Variants in MARCHF4 observed in about 807,000 individuals in gnomAD.
MARCHF4 encodes membrane associated ring-CH-type finger 4.
In MARCHF4, 14 loss-of-function variants were observed where a neutral mutation model predicts 43.9. The observed-to-expected ratio is 0.32, with a 90% CI of 0.21 to 0.50. MARCHF4 has a LOEUF of 0.50. Ranked by LOEUF, MARCHF4 falls within the 20% of genes least tolerant of loss-of-function variation. The pLI, the probability that MARCHF4 is intolerant of heterozygous loss-of-function variation, is 0.98. For missense variants in MARCHF4, 468 were observed against 536.7 expected (o/e 0.87, Z 1.27); for synonymous variants, 226 against 213.3 (o/e 1.06, Z -0.52).
chr2:216,284,626 C>T (rs1177728376), intron 1 of MARCHF4, among the ~76,000 whole-genome samples: 2 of 152,198 alleles, frequency 1.3e-5, no homozygotes, highest in Middle Eastern at 3.4e-3. Context: ...CCACCATGCC[C>T]GACTAATTTT....
At chr2:216,328,058 T>C (rs1321363471) in intron 1 of MARCHF4, among the ~76,000 whole-genome samples, 5 of 152,222 alleles carry the variant, frequency 3.3e-5, no homozygotes, top group Non-Finnish European at 5.9e-5. Context: ...TAGATCAGCT[T>C]ATAATCCCTG....
chr2:216,320,252 C>A (rs1691858153), intron 1 of MARCHF4, among the ~76,000 whole-genome samples: 1 of 152,292 alleles, frequency 6.6e-6, no homozygotes, highest in Non-Finnish European at 1.5e-5. Context: ...TGTATTAACT[C>A]TTTTTGACCC....
chr2:216,336,766 A>AAAAAAAAAAAAAAAAAAAAC, intron 1 of MARCHF4, among the ~76,000 whole-genome samples: 2 of 146,480 alleles, frequency 1.4e-5, no homozygotes, highest in East Asian at 2.0e-4. Flanking sequence ...AAAAAAAAAA[A>AAAAAAAAAAAAAAAAAAAAC]AGCTTTCTGG....
intron 2 of MARCHF4, among the ~76,000 whole-genome samples, chr2:216,283,222 G>A (rs3856561): frequency 0.028 from 4,226 of 150,552 alleles, 185 homozygotes; most frequent in African/African-American, 0.098. Flanking sequence ...TGCCTCCTTC[G>A]TTTCTTCCTT....
At chr2:216,286,421 G>T (rs1041168695) in intron 1 of MARCHF4, among the ~76,000 whole-genome samples, 3 of 151,578 alleles carry the variant, frequency 2.0e-5, no homozygotes, top group African/African-American at 7.3e-5. Flanking sequence ...CTCCTAAAAC[G>T]CCAGCTACTC....
At chr2:216,315,324 C>T (rs1691756925) in intron 1 of MARCHF4, among the ~76,000 whole-genome samples, 2 of 152,088 alleles carry the variant, frequency 1.3e-5, no homozygotes, top group African/African-American at 2.4e-5. Flanking sequence ...CTCTGCTAGT[C>T]GGTGGGAATG....
chr2:216,303,198 C>T (rs1691522505), intron 1 of MARCHF4: 1 of 152,160 alleles, frequency 6.6e-6, no homozygotes, highest in Admixed American at 6.5e-5. Flanking sequence ...AAGTCCTTGG[C>T]CTTTGGGAAA....
intron 1 of MARCHF4, among the ~76,000 whole-genome samples, chr2:216,288,770 G>A (rs1235506131): frequency 6.6e-6 from 1 of 152,256 alleles, no homozygotes; most frequent in African/African-American, 2.4e-5. Context: ...TCCGCTCACT[G>A]CAGTGGGAGA....
intron 3 of MARCHF4, chr2:216,265,679 G>A (rs546093291): frequency 6.6e-6 from 1 of 152,182 alleles, no homozygotes; most frequent in Admixed American, 6.5e-5. Flanking sequence ...ATTTTTTATA[G>A]ATACAGGGTT....
chr2:216,322,667 C>CAAA (rs1461277752), intron 1 of MARCHF4, among the ~76,000 whole-genome samples: 1 of 152,090 alleles, frequency 6.6e-6, no homozygotes, highest in East Asian at 1.9e-4. Context: ...ACTAAAAATA[C>CAAA]AAAAATTAGC....
intron 3 of MARCHF4, among the ~76,000 whole-genome samples, chr2:216,267,066 T>C (rs1443051147): frequency 6.6e-6 from 1 of 152,250 alleles, no homozygotes; most frequent in Non-Finnish European, 1.5e-5. Context: ...TTTACTCCTA[T>C]TGGGCTATCC....
At chr2:216,344,494 G>A (rs1035740617) in intron 1 of MARCHF4, among the ~76,000 whole-genome samples, 5 of 152,150 alleles carry the variant, frequency 3.3e-5, no homozygotes, top group Admixed American at 1.3e-4. Context: ...CACCACACAC[G>A]GACTTTATGA....
chr2:216,366,195 T>G (rs1370354040), intron 1 of MARCHF4, among the ~76,000 whole-genome samples: 2 of 152,234 alleles, frequency 1.3e-5, no homozygotes, highest in Non-Finnish European at 2.9e-5. Flanking sequence ...ATTATTATTA[T>G]TCCATCTTTA....
At chr2:216,265,741 C>G (rs1690835888) in intron 3 of MARCHF4, 1 of 152,314 alleles carries the variant, frequency 6.6e-6, no homozygotes, top group East Asian at 1.9e-4. Context: ...ATCCTCTTGC[C>G]TCAGCCTCCC....
intron 1 of MARCHF4, among the ~76,000 whole-genome samples, chr2:216,347,435 A>G (rs75292865): frequency 0.06 from 9,119 of 152,292 alleles, 363 homozygotes; most frequent in South Asian, 0.21. Flanking sequence ...GCTTGAACTG[A>G]GATGGTGGCA....
intron 1 of MARCHF4, among the ~76,000 whole-genome samples, chr2:216,332,869 C>T (rs1270334118): frequency 6.6e-6 from 1 of 152,124 alleles, no homozygotes; most frequent in Non-Finnish European, 1.5e-5. Context: ...CACGGATACA[C>T]AATTACTTGA....
At chr2:216,359,952 G>A (rs768271673) in intron 1 of MARCHF4, among the ~76,000 whole-genome samples, 21 of 151,980 alleles carry the variant, frequency 1.4e-4, no homozygotes, top group Admixed American at 9.2e-4. Flanking sequence ...CTCCTCCAGG[G>A]CCCACACCTC....
intron 3 of MARCHF4, among the ~76,000 whole-genome samples, chr2:216,263,493 A>G (rs140791279): frequency 0.31 from 18,371 of 58,462 alleles, 1,233 homozygotes; most frequent in South Asian, 0.46. Flanking sequence ...AGGAGAGAGA[A>G]AGAGAGAGAG....
intron 1 of MARCHF4, among the ~76,000 whole-genome samples, chr2:216,285,865 C>T (rs1019857939): frequency 1.5e-4 from 23 of 152,188 alleles, no homozygotes; most frequent in African/African-American, 4.8e-4. Context: ...TAAGCAGCCA[C>T]GTCAAATTGC....
Sources: gnomAD v4.1 joint callset for allele counts (sites outside exome capture counted in the v4.1 genomes callset) on GRCh38, gnomAD v4.1.1 for gene constraint, MANE v1.5 for transcripts, NCBI Gene and HGNC (gene_info 2026-07-23, HGNC 2026-07-21) for gene names.